DENND5B: variants seen among roughly 807,000 people sequenced by gnomAD.
The protein encoded by DENND5B is DENN domain-containing protein 5B.
Under a neutral mutation model 140.6 loss-of-function variants are expected in DENND5B, and 34 were observed. That is an observed-to-expected ratio of 0.24 (90% CI 0.18 to 0.32). The LOEUF is 0.32. DENND5B is among the 10% of genes least tolerant of loss of function. The pLI is 1.00. For missense variants in DENND5B, 1,142 were observed against 1,560.2 expected, an observed-to-expected ratio of 0.73 and a Z score of 4.52; for synonymous variants, 551 against 562.1, an observed-to-expected ratio of 0.98 and a Z score of 0.28.
chr12:31,431,572 A>C (rs1943512754), intron 8 of DENND5B, among the ~76,000 whole-genome samples: 1 of 152,186 alleles, frequency 6.6e-6, no homozygotes, highest in African/African-American at 2.4e-5. Context: ...TGGCACTGAG[A>C]TTCTATGTTG....
chr12:31,456,652 T>C (rs1565597183), intron 4 of DENND5B, among the ~76,000 whole-genome samples: 2 of 152,188 alleles, frequency 1.3e-5, no homozygotes, highest in Non-Finnish European at 2.9e-5. Flanking sequence ...GGGGGAACCC[T>C]AAAACTGTAG....
Position 31,480,260 on chromosome 12 carries a change from G to GA in DENND5B, c.238-6dup. On this transcript the variant is annotated splice_region_variant and splice_polypyrimidine_tract_variant and intron_variant, in intron 2 of 20. Transcript: ENST00000389082. ...TAGCCCTTTAGGCATGCACAACTGT[G>GA]AAAGAAAGAAAAAAAAAAATCAGAA... is the stretch of plus-strand genomic sequence containing the variant. 2.8e-6 allele frequency: 4 copies of GA among 1,449,378 alleles called. No individual in the cohort carries two copies. Among genetic ancestry groups the GA allele is most frequent in the African/African-American group, 2.9e-5 (2 of 68,540 alleles). The allele number at this position is 1,449,378 out of a possible 1,614,324, so 89.8% of individuals were successfully genotyped here.
intron 1 of DENND5B, among the ~76,000 whole-genome samples, chr12:31,499,279 G>A (rs139648764): frequency 3.2e-3 from 493 of 152,236 alleles, no homozygotes; most frequent in Non-Finnish European, 5.7e-3. Context: ...AAATTTGTAC[G>A]ACTGCTACAA....
At chr12:31,507,542 T>C (rs1947249203) in intron 1 of DENND5B, among the ~76,000 whole-genome samples, 1 of 152,188 alleles carries the variant, frequency 6.6e-6, no homozygotes, top group Non-Finnish European at 1.5e-5. Context: ...ATTCAAGATC[T>C]AGAGTTCTCT....
At chr12:31,570,511 T>C (rs1949783493) in intron 1 of DENND5B, among the ~76,000 whole-genome samples, 2 of 149,960 alleles carry the variant, frequency 1.3e-5, no homozygotes, top group African/African-American at 2.5e-5. Context: ...TCTCCTGACC[T>C]CGTGATCCAC....
At chr12:31,447,395 T>C in intron 6 of DENND5B, 143 bp downstream of exon 6, 1 of 711,134 alleles carries the variant, frequency 1.4e-6, no homozygotes, top group Non-Finnish European at 2.2e-6. Flanking sequence ...AAGAAAAATT[T>C]ACAAAGCATT....
intron 11 of DENND5B, among the ~76,000 whole-genome samples, chr12:31,417,330 C>A (rs1281833042): frequency 7.4e-6 from 1 of 135,248 alleles, no homozygotes; most frequent in Admixed American, 8.3e-5. Context: ...GCACTCCAGC[C>A]TGGGTGACAG....
chr12:31,570,589 A>G (rs569844932), intron 1 of DENND5B, among the ~76,000 whole-genome samples: 1,201 of 98,552 alleles, frequency 0.012, 28 homozygotes, highest in African/African-American at 0.051. Flanking sequence ...AATTCTCTTT[A>G]AAAAAAAAAA....
chr12:31,558,761 G>A (rs1949380735), intron 1 of DENND5B, among the ~76,000 whole-genome samples: 1 of 152,170 alleles, frequency 6.6e-6, no homozygotes, highest in Non-Finnish European at 1.5e-5. Context: ...TCAATCTCAT[G>A]ACTAAGCATT....
At position 31,447,584 on chromosome 12, in the gene DENND5B, G is replaced by A. The variant is rs1377624564; in HGVS notation, c.1815C>T (p.Thr605=). 3 of 1,613,934 alleles carry A rather than the reference G, an allele frequency of 1.9e-6. No homozygotes were observed. The South Asian group carries it at 3.3e-5, about 18-fold the overall frequency. The change falls in exon 6 of 21, where the codon ACC becomes ACT. Residue 605 remains threonine, a synonymous_variant. Transcript: ENST00000389082. The part of the protein sequence containing the change: ...KIRLYNVRAP[T]LRTSIYQKCS... Reference sequence around the variant, plus strand: ...ATTTCTGATATATAGATGTCCGCAAGGTGGGTGCCCTTACATTATACAGCC... The same window carrying A: ...ATTTCTGATATATAGATGTCCGCAAAGTGGGTGCCCTTACATTATACAGCC...
chr12:31,535,864 T>C (rs1243920512), intron 1 of DENND5B, among the ~76,000 whole-genome samples: 1 of 152,214 alleles, frequency 6.6e-6, no homozygotes, highest in Non-Finnish European at 1.5e-5. Flanking sequence ...TTTGAATCTG[T>C]ATCCCCACCA....
intron 11 of DENND5B, among the ~76,000 whole-genome samples, chr12:31,420,327 G>C (rs932536708): frequency 3.3e-5 from 5 of 151,830 alleles, no homozygotes; most frequent in Admixed American, 3.3e-4. Flanking sequence ...TGTAGAGACT[G>C]GGTCTCACTA....
At chr12:31,387,902 C>T (rs974831724) in intron 20 of DENND5B, 116 bp from the exon 21 acceptor site, 3 of 1,073,100 alleles carry the variant, frequency 2.8e-6, no homozygotes, top group African/African-American at 1.6e-5. Flanking sequence ...AAAATGTATC[C>T]AAGCTAAGAG....
chr12:31,444,553 T>A (rs886524705), intron 6 of DENND5B, among the ~76,000 whole-genome samples: 9 of 152,186 alleles, frequency 5.9e-5, no homozygotes, highest in African/African-American at 2.2e-4. Context: ...CACAGTGGTA[T>A]TTTCAAGAGT....
At chr12:31,442,690 G>C in intron 7 of DENND5B, 85 bp downstream of exon 7, 1 of 1,406,366 alleles carries the variant, frequency 7.1e-7, no homozygotes, top group South Asian at 1.6e-5. Flanking sequence ...ATGTTTAATA[G>C]TTAAGCATTG....
rs1940744424 is a variant in DENND5B, at chr12:31,383,973, T to C, written c.*3630A>G. ...ATTTATTTGCAGGAAAAAAACAAAT[T>C]AAATATTGATTTTTTTATTTACTTT... On this transcript the variant is annotated 3_prime_UTR_variant, in exon 21 of 21. Coordinates refer to ENST00000389082, the MANE Select transcript of DENND5B (RefSeq NM_144973.4). The C allele has an allele frequency of 6.6e-6, 1 of 152,172 alleles. No individual in the cohort carries two copies. The highest frequency in any genetic ancestry group is 6.5e-5 in the Admixed American group (1 of 15,270). The allele number at this position is 152,172 out of a possible 1,614,324, so 9.4% of individuals were successfully genotyped here.
At chr12:31,402,442 C>G in intron 15 of DENND5B, 56 bp downstream of exon 15, 1 of 1,539,334 alleles carries the variant, frequency 6.5e-7, no homozygotes, top group Non-Finnish European at 8.8e-7. Context: ...CAGACAGAAT[C>G]ATCTGTAAAA....
At chr12:31,465,944 C>T (rs945667709) in intron 3 of DENND5B, 2 of 152,322 alleles carry the variant, frequency 1.3e-5, no homozygotes, top group Non-Finnish European at 2.9e-5. Flanking sequence ...ACAAGCTTCA[C>T]TGTGACCAAA....
chr12:31,552,069 C>A (rs1949083829), intron 1 of DENND5B, among the ~76,000 whole-genome samples: 1 of 152,096 alleles, frequency 6.6e-6, no homozygotes, highest in Non-Finnish European at 1.5e-5. Context: ...CTTCTCCTGC[C>A]TGATTGCCCT....
Sources: allele counts gnomAD v4.1 joint callset (sites outside exome capture counted in the v4.1 genomes callset), GRCh38; gene constraint gnomAD v4.1.1; transcripts MANE v1.5; gene names NCBI Gene and HGNC (gene_info 2026-07-23, HGNC 2026-07-21).